The following SLC12A9 variants were observed in gnomAD, a reference collection of about 807,000 sequenced individuals.
SLC12A9 encodes the protein CCC-interacting protein 1.
Under a neutral mutation model 66.0 loss-of-function variants are expected in SLC12A9, and 55 were observed. The ratio of observed to expected loss-of-function variants is 0.83; its 90% CI spans 0.67 to 1.04. The LOEUF (loss-of-function observed/expected upper bound fraction) is 1.04, where lower values mean the gene tolerates loss of function less well. Among genes scored for constraint, SLC12A9 ranks in the 50% least tolerant of loss-of-function variants. The pLI is 0.00. For missense variants in SLC12A9, 1,061 were observed against 1,241.9 expected (o/e 0.85, Z 2.19); for synonymous variants, 577 against 569.0 (o/e 1.01, Z -0.20).
chr7:100,844,957 T>C (rs1438778329), intron 1 of SLC12A9, among the ~76,000 whole-genome samples: 1 of 152,012 alleles, frequency 6.6e-6, no homozygotes, highest in East Asian at 1.9e-4. Flanking sequence ...CTTCCTGTTA[T>C]ATATGTGGAG....
intron 1 of SLC12A9, among the ~76,000 whole-genome samples, chr7:100,845,887 G>A (rs773678642): frequency 6.6e-6 from 1 of 152,222 alleles, no homozygotes; most frequent in African/African-American, 2.4e-5. Flanking sequence ...GTTACAAGCT[G>A]TCTTAAAAAT....
chr7:100,859,092 TCGTCGC>T lies in SLC12A9; in HGVS notation c.916_921del (p.Val306_Ala307del). ...AGCCGGGCGATCCCTCTGGGCACGATCGTCGCCGTCGCCTACACCTTCTTCGTCTAT... is the reference window on the plus strand; with the variant it reads ...AGCCGGGCGATCCCTCTGGGCACGATCGTCGCCTACACCTTCTTCGTCTAT... On this transcript the variant is annotated inframe_deletion, in exon 7 of 14. Transcript: ENST00000354161. 1 of 1,613,960 alleles carries T rather than the reference TCGTCGC, an allele frequency of 6.2e-7. No homozygotes were observed. Among genetic ancestry groups the T allele is most frequent in the East Asian group, 2.2e-5 (1 of 44,876 alleles).
At chr7:100,839,539 G>A (rs986635600) in intron 1 of SLC12A9, among the ~76,000 whole-genome samples, 3 of 152,228 alleles carry the variant, frequency 2.0e-5, no homozygotes, top group East Asian at 1.9e-4. Flanking sequence ...TAAGCCTGCC[G>A]TGTGGAACAT....
At chr7:100,843,756 A>G (rs181164791) in intron 1 of SLC12A9, among the ~76,000 whole-genome samples, 7 of 152,358 alleles carry the variant, frequency 4.6e-5, no homozygotes, top group Admixed American at 1.3e-4. Flanking sequence ...ATGCTAGATT[A>G]ACCAAGTACC....
At chr7:100,838,151 G>C (rs1054926124) in intron 1 of SLC12A9, among the ~76,000 whole-genome samples, 8 of 151,862 alleles carry the variant, frequency 5.3e-5, no homozygotes, top group Non-Finnish European at 1.2e-4. Context: ...GTGAGCCACC[G>C]CACCCGGCTA....
chr7:100,862,534 C>T (rs1814821461), intron 12 of SLC12A9, 147 bp from the exon 13 acceptor site: 7 of 959,472 alleles, frequency 7.3e-6, no homozygotes, highest in South Asian at 3.3e-5. Flanking sequence ...GCATGAGCCC[C>T]GACACCAGCC....
Position 100,861,930 on chromosome 7 carries a change from C to G in SLC12A9, c.1711+19C>G. The G allele has an allele frequency of 1.3e-6, 2 of 1,561,540 alleles. No individual in the cohort carries two copies. The highest frequency in any genetic ancestry group is 1.7e-6 in the Non-Finnish European group (2 of 1,152,958). On this transcript the variant is annotated intron_variant, in intron 12 of 13. Transcript: ENST00000354161. The surrounding 1 kb of genome is among the most constrained non-coding windows in gnomAD (Gnocchi z 5.3). Reference sequence around the variant, plus strand: ...GACCTCGGTGAGCTGCCCTCCCACTCACTCACTCACTCCCATCCTTCTCTC... The same window carrying G: ...GACCTCGGTGAGCTGCCCTCCCACTGACTCACTCACTCCCATCCTTCTCTC...
At chr7:100,862,058 C>G in intron 12 of SLC12A9, 147 bp downstream of exon 12, 1 of 811,816 alleles carries the variant, frequency 1.2e-6, no homozygotes. Flanking sequence ...CTCCCAGGTT[C>G]AAGTAATTCT....
intron 1 of SLC12A9, among the ~76,000 whole-genome samples, chr7:100,845,416 C>T (rs1813886534): frequency 6.6e-6 from 1 of 152,020 alleles, no homozygotes; most frequent in African/African-American, 2.4e-5. Context: ...GTGGAGCAAT[C>T]TCGGCTCACT....
chr7:100,845,015 C>G (rs1459884197), intron 1 of SLC12A9, among the ~76,000 whole-genome samples: 1 of 151,798 alleles, frequency 6.6e-6, no homozygotes, highest in East Asian at 1.9e-4. Flanking sequence ...AGAATTGGTA[C>G]CTACATACCC....
At chr7:100,856,530 C>G in intron 4 of SLC12A9, 7 of 165,936 alleles carry the variant, frequency 4.2e-5, no homozygotes, top group Admixed American at 6.6e-5. Context: ...TTTTTTTTTT[C>G]TTGAGAGAAG....
chr7:100,861,661 C>T lies in SLC12A9; in HGVS notation c.1537-76C>T, dbSNP rs1396512910. On this transcript the variant is annotated intron_variant, in intron 11 of 13. Coordinates refer to ENST00000354161, the MANE Select transcript of SLC12A9 (RefSeq NM_020246.4). The surrounding 1 kb of genome is among the most constrained non-coding windows in gnomAD (Gnocchi z 5.3). ...CCTCTCTCTTTGGCTGGAGTTGGTGCTCCCGTCCAGGAGGCGCTGAACGGG... is the reference window on the plus strand; with the variant it reads ...CCTCTCTCTTTGGCTGGAGTTGGTGTTCCCGTCCAGGAGGCGCTGAACGGG... 3.7e-6 allele frequency: 6 copies of T among 1,607,730 alleles called. No individual in the cohort carries two copies. The African/African-American group carries it at 6.7e-5, about 18-fold the overall frequency.
In SLC12A9 at chr7:100,866,595, C is replaced by T. The variant is rs1255980111; in HGVS notation, c.2735C>T (p.Thr912Ile). 6.3e-7 allele frequency: 1 copy of T among 1,576,852 alleles called. No individual in the cohort carries two copies. The highest frequency in any genetic ancestry group is 1.2e-5 in the South Asian group (1 of 85,986). ...CATGGGGTCACTCCAGTCACCTGCA[C>T]TGATCTGTGATGCCCCTGCCTCCAG... ...LVHGVTPVTC[T>I]DL is the part of the protein sequence containing the mutation. Residue 912 changes from threonine (T) to isoleucine (I), a missense_variant, in exon 14 of 14, where the codon ACT (threonine) becomes ATT (isoleucine). By Grantham distance (89) the Thr-to-Ile change is moderately conservative (BLOSUM62 -1). Coordinates refer to ENST00000354161, the MANE Select transcript of SLC12A9 (RefSeq NM_020246.4). The surrounding 1 kb of genome is among the most constrained non-coding windows in gnomAD (Gnocchi z 7.3).
At chr7:100,836,837 C>T (rs549234234) in intron 1 of SLC12A9, among the ~76,000 whole-genome samples, 317 of 106,030 alleles carry the variant, frequency 3.0e-3, no homozygotes, top group Non-Finnish European at 4.0e-3. Context: ...AGACTTAATC[C>T]TGGGGAGTTT....
intron 1 of SLC12A9, among the ~76,000 whole-genome samples, chr7:100,836,275 T>C (rs1433537608): frequency 6.6e-6 from 1 of 152,064 alleles, no homozygotes; most frequent in Admixed American, 6.6e-5. Context: ...GCTCTTGGGC[T>C]GGTTAGGGAA....
intron 1 of SLC12A9, among the ~76,000 whole-genome samples, chr7:100,833,258 T>C (rs1039715343): frequency 1.4e-4 from 18 of 127,390 alleles, no homozygotes; most frequent in Admixed American, 7.0e-4. Flanking sequence ...CCGAGGCGGG[T>C]GGATCACCTG....
intron 1 of SLC12A9, among the ~76,000 whole-genome samples, chr7:100,831,165 T>TTTTTC: frequency 6.6e-6 from 1 of 152,284 alleles, no homozygotes; most frequent in South Asian, 2.1e-4. Flanking sequence ...TGGAGTTTTC[T>TTTTTC]TTTTCTTTTC....
rs139457286 is a variant in SLC12A9, at chr7:100,836,729, G to T, written n.228+9682G>T. Reference sequence around the variant, plus strand: ...CCCTGCTCAGCTCGCCTCTCTTCCCGAGAGTCTTTTGTTTGCTGGGTCTGC... The same window carrying T: ...CCCTGCTCAGCTCGCCTCTCTTCCCTAGAGTCTTTTGTTTGCTGGGTCTGC... On this transcript the variant is annotated intron_variant and non_coding_transcript_variant, in intron 1 of 1. Transcript: ENST00000461016. Among the ~76,000 whole-genome samples the T allele has an allele frequency of 2.0e-5, 3 of 152,140 alleles. No individual in the cohort carries two copies. In the East Asian group the frequency reaches 5.8e-4, roughly 29 times the overall value.
intron 13 of SLC12A9, among the ~76,000 whole-genome samples, chr7:100,864,678 C>T (rs1044332240): frequency 1.8e-4 from 27 of 152,158 alleles, no homozygotes; most frequent in African/African-American, 6.5e-4. Context: ...AGGCGGATTG[C>T]GTTGACCTAC....
Sources: allele counts gnomAD v4.1 joint callset (sites outside exome capture counted in the v4.1 genomes callset), GRCh38; gene constraint gnomAD v4.1.1; non-coding constraint Gnocchi (gnomAD v3.1); transcripts MANE v1.5; gene names NCBI Gene and HGNC (gene_info 2026-07-23, HGNC 2026-07-21).